Variants in MYOF observed in about 807,000 individuals in gnomAD.
MYOF encodes fer-1-like 3, myoferlin.
In MYOF, 244 loss-of-function variants were observed where a neutral mutation model predicts 284.2. The ratio of observed to expected loss-of-function variants is 0.86; its 90% CI spans 0.77 to 0.95. The LOEUF (loss-of-function observed/expected upper bound fraction) is 0.95, where lower values mean the gene tolerates loss of function less well. Among genes scored for constraint, MYOF ranks in the 40% least tolerant of loss-of-function variants. The pLI is 0.00. For missense variants in MYOF, 2,496 were observed against 2,560.6 expected, an observed-to-expected ratio of 0.97 and a Z score of 0.54; for synonymous variants, 904 against 919.7, an observed-to-expected ratio of 0.98 and a Z score of 0.31.
chr10:93,430,962 T>C (rs1589558256), intron 4 of MYOF, among the ~76,000 whole-genome samples: 1 of 152,100 alleles, frequency 6.6e-6, no homozygotes, highest in East Asian at 1.9e-4. Flanking sequence ...TGATACCTTT[T>C]CCTTTTCTTT....
intron 25 of MYOF, among the ~76,000 whole-genome samples, chr10:93,368,568 A>T (rs1564655473): frequency 6.6e-6 from 1 of 152,234 alleles, no homozygotes; most frequent in African/African-American, 2.4e-5. Context: ...GCTCCGATGG[A>T]CAGATGGAGG....
chr10:93,357,750 T>G (rs1844874502), intron 29 of MYOF, among the ~76,000 whole-genome samples: 1 of 152,162 alleles, frequency 6.6e-6, no homozygotes, highest in Non-Finnish European at 1.5e-5. Context: ...GTGAAAAATT[T>G]CACATAGCCA....
chr10:93,325,002 A>G (rs182053217), intron 46 of MYOF, among the ~76,000 whole-genome samples: 240 of 151,974 alleles, frequency 1.6e-3, no homozygotes, highest in Middle Eastern at 0.01. Context: ...CTGGTCTCGA[A>G]CTCCTGACTT....
chr10:93,320,984 C>T (rs1363100748), intron 48 of MYOF, among the ~76,000 whole-genome samples: 1 of 151,996 alleles, frequency 6.6e-6, no homozygotes. Flanking sequence ...TTCACATGGT[C>T]GACACGCAGA....
intron 43 of MYOF, among the ~76,000 whole-genome samples, chr10:93,330,419 C>A (rs1435828652): frequency 2.0e-5 from 3 of 152,114 alleles, no homozygotes; most frequent in Admixed American, 1.3e-4. Context: ...GAGACCACTG[C>A]CCCATGGAAC....
In MYOF at chr10:93,477,016, T is replaced by C. The variant is rs528458709; in HGVS notation, c.88+5091A>G. Among the ~76,000 whole-genome samples the C allele has an allele frequency of 1.4e-4, 21 of 152,336 alleles. No homozygotes were observed. In the South Asian group the frequency reaches 4.3e-3, roughly 32 times the overall value. On this transcript the variant is annotated intron_variant, in intron 1 of 53. Coordinates refer to ENST00000359263, the MANE Select transcript of MYOF (RefSeq NM_013451.4). ...AAATGCTATAGTAGCAACAACTACG[T>C]ACCCAAGGAGATGGATGTTTTATGT...
At chr10:93,440,090 T>C (rs1002633536) in intron 3 of MYOF, among the ~76,000 whole-genome samples, 14 of 152,202 alleles carry the variant, frequency 9.2e-5, no homozygotes, top group African/African-American at 3.4e-4. Flanking sequence ...GGAATCTGAA[T>C]GAAGTCTGTA....
chr10:93,370,097 G>A (rs977887200), intron 24 of MYOF, among the ~76,000 whole-genome samples: 2 of 152,084 alleles, frequency 1.3e-5, no homozygotes, highest in Non-Finnish European at 2.9e-5. Context: ...CACTGGTGGT[G>A]CAAAAGCAAC....
At chr10:93,378,266 T>G (rs973974235) in intron 21 of MYOF, among the ~76,000 whole-genome samples, 7 of 152,144 alleles carry the variant, frequency 4.6e-5, no homozygotes, top group African/African-American at 1.7e-4. Flanking sequence ...CTGTCCAGAT[T>G]AGGCAGCCTG....
intron 23 of MYOF, among the ~76,000 whole-genome samples, chr10:93,373,658 A>C (rs1845697936): frequency 6.6e-6 from 1 of 152,202 alleles, no homozygotes; most frequent in Admixed American, 6.5e-5. Flanking sequence ...CAAAGTAGAA[A>C]ATGAAATTAC....
intron 17 of MYOF, among the ~76,000 whole-genome samples, chr10:93,389,648 A>G (rs1431088369): frequency 6.6e-6 from 1 of 152,238 alleles, no homozygotes; most frequent in Non-Finnish European, 1.5e-5. Flanking sequence ...GTAATAATAA[A>G]CTGCCTGCCT....
intron 7 of MYOF, 106 bp downstream of exon 7, chr10:93,408,681 T>G: frequency 6.8e-7 from 1 of 1,466,556 alleles, no homozygotes; most frequent in Non-Finnish European, 9.3e-7. Context: ...TTTGTTCCTG[T>G]GATCTCTACT....
intron 5 of MYOF, among the ~76,000 whole-genome samples, chr10:93,417,992 G>A (rs960141855): frequency 2.6e-5 from 4 of 152,142 alleles, no homozygotes; most frequent in Non-Finnish European, 4.4e-5. Flanking sequence ...GAGAGATGGA[G>A]TCTCATTATG....
rs868174233 is a variant in MYOF at position 93,438,688 on chromosome 10, A to C, written c.237-7172T>G. On this transcript the variant is annotated intron_variant, in intron 3 of 53. Coordinates refer to ENST00000359263, the MANE Select transcript of MYOF (RefSeq NM_013451.4). ...AAGTGGAGGAGGTAGAGGGCTAGGGATAGGGAAGGCAGAAGGCAACGCGGG... is the reference window on the plus strand; with the variant it reads ...AAGTGGAGGAGGTAGAGGGCTAGGGCTAGGGAAGGCAGAAGGCAACGCGGG... 3.9e-5 allele frequency among the ~76,000 whole-genome samples: 6 copies of C among 152,144 alleles called. No homozygotes were observed. In the East Asian group the frequency reaches 1.2e-3, roughly 29 times the overall value.
chr10:93,337,297 C>A (rs1843660356), intron 40 of MYOF, among the ~76,000 whole-genome samples: 3 of 151,890 alleles, frequency 2.0e-5, no homozygotes, highest in Admixed American at 1.3e-4. Context: ...AAATTCAAAA[C>A]ATGAACAGAA....
At chr10:93,357,597 A>G (rs1422465602) in intron 29 of MYOF, among the ~76,000 whole-genome samples, 1 of 152,240 alleles carries the variant, frequency 6.6e-6, no homozygotes, top group Admixed American at 6.5e-5. Context: ...ACGTAAAACA[A>G]TGTGGAATAA....
chr10:93,318,044 T>G (rs2133745685), intron 49 of MYOF, among the ~76,000 whole-genome samples: 1 of 152,136 alleles, frequency 6.6e-6, no homozygotes, highest in Non-Finnish European at 1.5e-5. Flanking sequence ...GCCCTAGATG[T>G]GGGTAAACAG....
At position 93,396,155 on chromosome 10, in the gene MYOF, A is replaced by G. The variant is rs754821669; in HGVS notation, c.1404T>C (p.Gly468=). The G allele has an allele frequency of 1.9e-6, 3 of 1,608,932 alleles. No individual in the cohort carries two copies. Among genetic ancestry groups the G allele is most frequent in the African/African-American group, 2.7e-5 (2 of 74,696 alleles). ...TGAGTGACTTACCTTCCACTTCCCC[A>G]CCAGAGGCAGCAATTTTAGAGAGGT... ...YLHLSKIAAS[G]GEVEDFSSSG... The change falls in exon 16 of 54, where the codon GGT becomes GGC. Residue 468 remains glycine (G), a synonymous_variant. Transcript: ENST00000359263.
chr10:93,451,805 T>C (rs978302973), intron 3 of MYOF, among the ~76,000 whole-genome samples: 6 of 152,196 alleles, frequency 3.9e-5, no homozygotes, highest in African/African-American at 1.4e-4. Flanking sequence ...AGTGCCAAGT[T>C]TGATAAACTA....
Sources: gnomAD v4.1 joint callset for allele counts (sites outside exome capture counted in the v4.1 genomes callset) on GRCh38, gnomAD v4.1.1 for gene constraint, MANE v1.5 for transcripts, NCBI Gene and HGNC (gene_info 2026-07-23, HGNC 2026-07-21) for gene names.